The following CD27 variants were observed in gnomAD, a reference collection of about 807,000 sequenced individuals.
CD27 encodes the protein CD27 molecule, also known as CD27 antigen.
Under a neutral mutation model 25.9 loss-of-function variants are expected in CD27, and 16 were observed. That is an observed-to-expected ratio of 0.62 (90% confidence interval 0.42 to 0.94). CD27 has a LOEUF of 0.94. Among genes scored for constraint, CD27 ranks in the 40% least tolerant of loss-of-function variants. The pLI is 0.00. For missense variants in CD27, 300 were observed against 333.2 expected, an observed-to-expected ratio of 0.90 and a Z score of 0.78; for synonymous variants, 142 against 124.3, an observed-to-expected ratio of 1.14 and a Z score of -0.95.
At chr12:6,448,941 A>G (rs867646519) in intron 2 of CD27, among the ~76,000 whole-genome samples, 1 of 151,456 alleles carries the variant, frequency 6.6e-6, no homozygotes, top group East Asian at 1.9e-4. Context: ...CTTCCCCCCA[A>G]CCAACCCCAG....
At position 6,445,175 on chromosome 12, in the gene CD27, GC is replaced by G. The variant is rs1949395876; in HGVS notation, c.83del (p.Pro28GlnfsTer23). The G allele has an allele frequency of 1.2e-6, 2 of 1,612,516 alleles. No individual in the cohort carries two copies. The highest frequency in any genetic ancestry group is 2.7e-5 in the African/African-American group (2 of 74,890). ...TCAGCTACTCCAGCCCCCAAGAGCT[GC>G]CCAGAGAGGCACTACTGGGCTCAGG... is the stretch of plus-strand genomic sequence containing the variant. The part of the protein sequence containing the change: ...GLSATPAPKS[C>X]PERHYWAQGK... On this transcript the variant is annotated frameshift_variant, in exon 1 of 6. Transcript: ENST00000266557. LOFTEE classifies it high-confidence loss of function. This position sits in a 1 kb window ranked among gnomAD's most constrained non-coding sequence, Gnocchi z 4.5.
At chr12:6,447,458 G>T (rs1171586212) in intron 2 of CD27, 1 of 152,132 alleles carries the variant, frequency 6.6e-6, no homozygotes, top group Non-Finnish European at 1.5e-5. Context: ...TGAGAAGATG[G>T]GTGGGCTGAA....
chr12:6,451,171 C>G, intron 5 of CD27, 97 bp from the exon 6 acceptor site: 1 of 1,535,338 alleles, frequency 6.5e-7, no homozygotes, highest in South Asian at 1.2e-5. Flanking sequence ...GTGCTCCTGA[C>G]ACCCCTCCCC....
chr12:6,451,084 A>C, intron 5 of CD27, 70 bp downstream of exon 5: 1 of 1,603,462 alleles, frequency 6.2e-7, no homozygotes. Flanking sequence ...CCCACTGCCC[A>C]CGCCTGGAAT....
At position 6,450,734 on chromosome 12, in the gene CD27, A is replaced by G; in HGVS notation, c.538+104A>G. On this transcript the variant is annotated intron_variant, in intron 4 of 5. Coordinates refer to ENST00000266557, the MANE Select transcript of CD27 (RefSeq NM_001242.5). This position sits in a 1 kb window ranked among gnomAD's most constrained non-coding sequence, Gnocchi z 4.1. Reference sequence around the variant, plus strand: ...CTAGGATTAGGGATAAGAGGAGGGGAAAAAGCAGAGTCCACTGTTTAGGAG... The same window carrying G: ...CTAGGATTAGGGATAAGAGGAGGGGGAAAAGCAGAGTCCACTGTTTAGGAG... 3.5e-6 allele frequency: 5 copies of G among 1,419,672 alleles called. No homozygotes were observed. Among genetic ancestry groups the G allele is most frequent in the African/African-American group, 1.4e-5 (1 of 71,174 alleles). 87.9% of individuals were successfully genotyped at this position (1,419,672 alleles called of 1,614,324 possible).
rs1399071293 is a variant in CD27, at chr12:6,450,381, C to G, written c.448+29C>G. On this transcript the variant is annotated intron_variant, in intron 3 of 5. Transcript: ENST00000266557. The surrounding 1 kb of genome is among the most constrained non-coding windows in gnomAD (Gnocchi z 4.1). ...AGTTCCAGGCAACTCTCTGTGCCAT[C>G]ACGTGGGGTAGCGGTGATACCCCAA... 6.2e-7 allele frequency: 1 copy of G among 1,601,446 alleles called. No homozygotes were observed. Among genetic ancestry groups the G allele is most frequent in the African/African-American group, 1.3e-5 (1 of 74,810 alleles).
rs780709831 is a variant in CD27 at position 6,450,908 on chromosome 12, G to A, written c.552G>A (p.Leu184=). ...CTCCTATTACAGCCCAAAGATCCCT[G>A]TGCAGCTCCGATTTTATTCGCATCC... The part of the protein sequence containing the change: ...LSTHWPPQRS[L]CSSDFIRILV... Residue 184 remains leucine (L), a synonymous_variant, in exon 5 of 6, where the codon CTG becomes CTA. Transcript: ENST00000266557. The surrounding 1 kb of genome is among the most constrained non-coding windows in gnomAD (Gnocchi z 4.1). 4.2e-5 allele frequency: 68 copies of A among 1,613,994 alleles called. No homozygotes were observed. Among genetic ancestry groups the A allele is most frequent in the East Asian group, 2.0e-4 (9 of 44,894 alleles).
chr12:6,444,564 C>A (rs565835969), upstream of CD27, among the ~76,000 whole-genome samples: 1 of 149,348 alleles, frequency 6.7e-6, no homozygotes, highest in African/African-American at 2.5e-5. Flanking sequence ...AATTCTGGTT[C>A]TCCTTCCTTC....
intron 2 of CD27, among the ~76,000 whole-genome samples, chr12:6,449,382 C>T (rs1261031129): frequency 4.8e-5 from 7 of 146,686 alleles, no homozygotes; most frequent in East Asian, 4.0e-4. Context: ...GGCGTGATCT[C>T]GGCTCACTGC....
rs776430772 is a variant in CD27, at chr12:6,450,158, C to A, written c.269-15C>A. On this transcript the variant is annotated splice_polypyrimidine_tract_variant and intron_variant, in intron 2 of 5. Coordinates refer to ENST00000266557, the MANE Select transcript of CD27 (RefSeq NM_001242.5). The surrounding 1 kb of genome is among the most constrained non-coding windows in gnomAD (Gnocchi z 4.1). ...GTCTGAGTGTCCTATGCTCCCTGGGCCTCTCTTCCCCCAGGTCTTCTCGTT... is the reference window on the plus strand; with the variant it reads ...GTCTGAGTGTCCTATGCTCCCTGGGACTCTCTTCCCCCAGGTCTTCTCGTT... The A allele has an allele frequency of 3.1e-6, 5 of 1,606,086 alleles. No individual in the cohort carries two copies. Among genetic ancestry groups the A allele is most frequent in the Non-Finnish European group, 4.2e-6 (5 of 1,178,078 alleles).
At position 6,445,023 on chromosome 12, in the gene CD27, C is replaced by T. The variant is rs986036858; in HGVS notation, c.-73C>T. 4 of 1,474,318 alleles carry T rather than the reference C, an allele frequency of 2.7e-6. No homozygotes were observed. In the African/African-American group the frequency reaches 4.3e-5, roughly 16 times the overall value. The allele number at this position is 1,474,318 out of a possible 1,614,324, so 91.3% of individuals were successfully genotyped here. ...GGTGCAAAGAAGAGACAGCAGCGCCCAGCTTGGAGGTGCTAACTCCAGAGG... is the reference window on the plus strand; with the variant it reads ...GGTGCAAAGAAGAGACAGCAGCGCCTAGCTTGGAGGTGCTAACTCCAGAGG... On this transcript the variant is annotated 5_prime_UTR_variant, in exon 1 of 6. Coordinates refer to ENST00000266557, the MANE Select transcript of CD27 (RefSeq NM_001242.5). This position sits in a 1 kb window ranked among gnomAD's most constrained non-coding sequence, Gnocchi z 4.5.
chr12:6,449,716 GGCAC>G (rs553818523), intron 2 of CD27, among the ~76,000 whole-genome samples: 145 of 151,638 alleles, frequency 9.6e-4, no homozygotes, highest in African/African-American at 3.4e-3. Flanking sequence ...CGGGTGTGGT[GGCAC>G]ACACCTGTAA....
intron 2 of CD27, among the ~76,000 whole-genome samples, chr12:6,448,323 C>T (rs1159988163): frequency 6.6e-6 from 1 of 152,154 alleles, no homozygotes; most frequent in East Asian, 1.9e-4. Flanking sequence ...TGCAGCCTGT[C>T]CCACATCTGG....
rs1949499835 is a variant in CD27 at position 6,450,202 on chromosome 12, G to A, written c.298G>A (p.Ala100Thr). ...GLLVRNCTIT[A>T]NAECACRNGW... ...TCTCGTTCGCAACTGCACCATCACT[G>A]CCAATGCTGAGTGTGCCTGTCGCAA... Residue 100 changes from alanine to threonine, a missense_variant, in exon 3 of 6, where the codon GCC becomes ACC. Ala to Thr is a moderately conservative substitution (Grantham distance 58). Coordinates refer to ENST00000266557, the MANE Select transcript of CD27 (RefSeq NM_001242.5). This position sits in a 1 kb window ranked among gnomAD's most constrained non-coding sequence, Gnocchi z 4.1. 6.2e-7 allele frequency: 1 copy of A among 1,613,146 alleles called. No individual in the cohort carries two copies. The highest frequency in any genetic ancestry group is 1.3e-5 in the African/African-American group (1 of 74,892).
At chr12:6,444,906 G>C (rs925314547), upstream of CD27, 3 of 582,134 alleles carry the variant, frequency 5.2e-6, no homozygotes, top group South Asian at 6.9e-5. Context: ...GGGGGTGGAG[G>C]TTGCTGCTAT....
chr12:6,449,621 G>C (rs1949482308), intron 2 of CD27, among the ~76,000 whole-genome samples: 1 of 151,968 alleles, frequency 6.6e-6, no homozygotes, highest in Non-Finnish European at 1.5e-5. Context: ...GGCTGAGGCT[G>C]GTGCATCACC....
At position 6,451,322 on chromosome 12, in the gene CD27, GGGA is replaced by G. The variant is rs776089109; in HGVS notation, c.722_724del (p.Glu241del). The G allele has an allele frequency of 4.3e-6, 7 of 1,613,426 alleles. No individual in the cohort carries two copies. Among genetic ancestry groups the G allele is most frequent in the South Asian group, 1.1e-5 (1 of 91,072 alleles). On this transcript the variant is annotated inframe_deletion, in exon 6 of 6. Transcript: ENST00000266557. ...GAGCCTTGTCATTACAGCTGCCCCA[GGGA>G]GGAGGAGGGCAGCACCATCCCCATC...
At chr12:6,444,767 G>A (rs772993031), upstream of CD27, 137 of 232,852 alleles carry the variant, frequency 5.9e-4, no homozygotes, top group Non-Finnish European at 1.0e-3. Flanking sequence ...GAGTCAGTGG[G>A]CTACGTGCTT....
rs1003565744 is a variant in CD27 at position 6,445,858 on chromosome 12, G to A, written c.268+303G>A. 6.6e-6 allele frequency among the ~76,000 whole-genome samples: 1 copy of A among 152,080 alleles called. No individual in the cohort carries two copies. The highest frequency in any genetic ancestry group is 1.5e-5 in the Non-Finnish European group (1 of 68,012). ...AAGTGGCTCTATGACCCCAGATTTC[G>A]GGCAAGCAACCCCCAACCAATAAAC... is the stretch of plus-strand genomic sequence containing the variant. On this transcript the variant is annotated intron_variant, in intron 2 of 5. Coordinates refer to ENST00000266557, the MANE Select transcript of CD27 (RefSeq NM_001242.5). The surrounding 1 kb of genome is among the most constrained non-coding windows in gnomAD (Gnocchi z 4.5).
Sources: allele counts gnomAD v4.1 joint callset (sites outside exome capture counted in the v4.1 genomes callset), GRCh38; gene constraint gnomAD v4.1.1; non-coding constraint Gnocchi (gnomAD v3.1); transcripts MANE v1.5; gene names NCBI Gene and HGNC (gene_info 2026-07-23, HGNC 2026-07-21).